Variants in ADAMTSL1 observed in about 807,000 individuals in gnomAD.
ADAMTSL1 encodes the protein ADAMTS-like protein 1.
In ADAMTSL1, 126 loss-of-function variants were observed where a neutral mutation model predicts 201.8. That is an observed-to-expected ratio of 0.62 (90% CI 0.54 to 0.72). The LOEUF is 0.72. Ranked by LOEUF, ADAMTSL1 falls within the 30% of genes least tolerant of loss-of-function variation. The pLI is 0.00. For missense variants in ADAMTSL1, 2,679 were observed against 2,277.8 expected (o/e 1.18, Z -3.59); for synonymous variants, 1,121 against 903.4 (o/e 1.24, Z -4.32).
At chr9:17,985,871 A>G (rs1429533675) in intron 1 of ADAMTSL1, among the ~76,000 whole-genome samples, 1 of 152,178 alleles carries the variant, frequency 6.6e-6, no homozygotes, top group Non-Finnish European at 1.5e-5. Context: ...CATGCAAGAG[A>G]AAATTGATAC....
chr9:18,208,920 C>T (rs1014511292), intron 2 of ADAMTSL1, among the ~76,000 whole-genome samples: 6 of 151,572 alleles, frequency 4.0e-5, no homozygotes, highest in Non-Finnish European at 7.4e-5. Flanking sequence ...ATGAAATAGA[C>T]ATCATTGAAC....
In ADAMTSL1 at chr9:18,681,804, C is replaced by T. The variant is rs771035074; in HGVS notation, c.1342-8C>T. The T allele has an allele frequency of 6.3e-7, 1 of 1,598,202 alleles. No individual in the cohort carries two copies. The highest frequency in any genetic ancestry group is 8.5e-7 in the Non-Finnish European group (1 of 1,171,408). ...ACGAGTCTCCTCTCTCTTGCAATCT[C>T]TTTCCAGTGCACAGTGACATGTGGC... On this transcript the variant is annotated splice_region_variant and splice_polypyrimidine_tract_variant and intron_variant, in intron 11 of 28. Transcript: ENST00000380548.
Position 18,428,447 on chromosome 9 carries a change from AAAAG to A in ADAMTSL1, c.208-76378_208-76375del, listed in dbSNP as rs1296603312. On this transcript the variant is annotated intron_variant, in intron 2 of 29. Coordinates refer to the ADAMTSL1 transcript ENST00000680146. ...CCCCTATGTCTACAAAAAAAAAAAA[AAAAG>A]AAAAGAAAAGAAAAATTAATTAGCT... Among the ~76,000 whole-genome samples the A allele has an allele frequency of 6.0e-5, 9 of 150,502 alleles. No homozygotes were observed. The East Asian group carries it at 1.2e-3, about 20-fold the overall frequency.
At chr9:18,213,205 A>G (rs1433401244) in intron 2 of ADAMTSL1, among the ~76,000 whole-genome samples, 2 of 152,066 alleles carry the variant, frequency 1.3e-5, no homozygotes, top group Admixed American at 6.6e-5. Flanking sequence ...TATCTTTTTC[A>G]CCTGATTGGA....
chr9:18,021,075 T>G (rs1820461950), intron 1 of ADAMTSL1, among the ~76,000 whole-genome samples: 1 of 152,126 alleles, frequency 6.6e-6, no homozygotes, highest in Non-Finnish European at 1.5e-5. Context: ...TCACCTCAGG[T>G]GTAATGAATC....
At chr9:18,094,032 A>G (rs562844264) in intron 1 of ADAMTSL1, among the ~76,000 whole-genome samples, 32 of 152,150 alleles carry the variant, frequency 2.1e-4, no homozygotes, top group Non-Finnish European at 3.7e-4. Context: ...TCATTTTGTC[A>G]GACACTAGGA....
chr9:18,691,216 G>A (rs1324389009), intron 13 of ADAMTSL1, among the ~76,000 whole-genome samples: 2 of 152,164 alleles, frequency 1.3e-5, no homozygotes, highest in African/African-American at 2.4e-5. Flanking sequence ...TATCAGAATT[G>A]CATCTACCTC....
chr9:18,511,190 T>C (rs1818001073), intron 2 of ADAMTSL1, among the ~76,000 whole-genome samples: 1 of 152,120 alleles, frequency 6.6e-6, no homozygotes, highest in Non-Finnish European at 1.5e-5. Context: ...CTAAAGAAGA[T>C]TTAAAGGTCT....
At chr9:18,529,007 C>A (rs1173235764) in intron 2 of ADAMTSL1, among the ~76,000 whole-genome samples, 1 of 152,144 alleles carries the variant, frequency 6.6e-6, no homozygotes, top group Non-Finnish European at 1.5e-5. Flanking sequence ...TTTTTTACTG[C>A]TTAATTCTCT....
At chr9:18,180,758 C>G (rs1006554590) in intron 2 of ADAMTSL1, among the ~76,000 whole-genome samples, 46 of 152,118 alleles carry the variant, frequency 3.0e-4, no homozygotes, top group Non-Finnish European at 6.2e-4. Flanking sequence ...CTACCAATGA[C>G]TTTCTTCACA....
At chr9:18,205,115 A>G (rs576277636) in intron 2 of ADAMTSL1, among the ~76,000 whole-genome samples, 1 of 152,286 alleles carries the variant, frequency 6.6e-6, no homozygotes, top group South Asian at 2.1e-4. Flanking sequence ...CTCTCTTCCA[A>G]GCAGAAACCA....
At chr9:18,408,027 G>C (rs995301349) in intron 2 of ADAMTSL1, among the ~76,000 whole-genome samples, 2 of 152,136 alleles carry the variant, frequency 1.3e-5, no homozygotes, top group African/African-American at 4.8e-5. Flanking sequence ...AGAAAATTTT[G>C]AGTCACTATG....
chr9:18,415,870 A>T (rs1670272206), intron 2 of ADAMTSL1, among the ~76,000 whole-genome samples: 1 of 152,094 alleles, frequency 6.6e-6, no homozygotes, highest in South Asian at 2.1e-4. Context: ...TGGAAACAAT[A>T]TATACAAGAA....
intron 1 of ADAMTSL1, among the ~76,000 whole-genome samples, chr9:18,113,770 A>T (rs1587080632): frequency 6.6e-6 from 1 of 152,268 alleles, no homozygotes; most frequent in East Asian, 1.9e-4. Flanking sequence ...TATGTATATT[A>T]AAATTAAGTA....
intron 26 of ADAMTSL1, among the ~76,000 whole-genome samples, chr9:18,898,154 A>T (rs1043733674): frequency 2.0e-5 from 3 of 152,226 alleles, no homozygotes; most frequent in Non-Finnish European, 4.4e-5. Flanking sequence ...ATGCCACTGC[A>T]TTCCAGCCTG....
intron 2 of ADAMTSL1, among the ~76,000 whole-genome samples, chr9:18,317,877 G>A (rs1834466695): frequency 6.6e-6 from 1 of 152,178 alleles, no homozygotes; most frequent in Admixed American, 6.5e-5. Flanking sequence ...TCTAATCCCA[G>A]CGCCTAGAGA....
At chr9:18,553,234 ACTCTTCC>A (rs1217362547) in intron 3 of ADAMTSL1, among the ~76,000 whole-genome samples, 6 of 112,290 alleles carry the variant, frequency 5.3e-5, no homozygotes, top group Non-Finnish European at 9.3e-5. Context: ...TTCTTATTAT[ACTCTTCC>A]CTCTTCCCTC....
chr9:18,812,683 A>T (rs186213063), intron 20 of ADAMTSL1, among the ~76,000 whole-genome samples: 26 of 152,244 alleles, frequency 1.7e-4, no homozygotes, highest in Non-Finnish European at 2.4e-4. Flanking sequence ...TGGGTCTTAC[A>T]TTTAAATCTT....
At chr9:18,281,278 T>TAA (rs757685668) in intron 2 of ADAMTSL1, among the ~76,000 whole-genome samples, 1 of 151,910 alleles carries the variant, frequency 6.6e-6, no homozygotes, top group African/African-American at 2.4e-5. Context: ...AGGGAAAAGA[T>TAA]ATATATATAT....
Sources: allele counts gnomAD v4.1 joint callset (sites outside exome capture counted in the v4.1 genomes callset), GRCh38; gene constraint gnomAD v4.1.1; transcripts MANE v1.5; gene names NCBI Gene and HGNC (gene_info 2026-07-23, HGNC 2026-07-21).